INF2: variants seen among roughly 807,000 people sequenced by gnomAD.
The protein encoded by INF2 is inverted formin-2.
Under a neutral mutation model 123.5 loss-of-function variants are expected in INF2, and 43 were observed. That is an observed-to-expected ratio of 0.35 (90% CI 0.27 to 0.45). INF2 has a LOEUF of 0.45. Ranked by LOEUF, INF2 falls within the 20% of genes least tolerant of loss-of-function variation. The pLI is 1.00. For missense variants in INF2, 1,453 were observed against 1,682.7 expected, an observed-to-expected ratio of 0.86 and a Z score of 2.39; for synonymous variants, 851 against 745.0, an observed-to-expected ratio of 1.14 and a Z score of -2.32.
At position 104,711,697 on chromosome 14, in the gene INF2, A is replaced by G; in HGVS notation, c.2487A>G (p.Ala829=). 6.2e-7 allele frequency: 1 copy of G among 1,612,184 alleles called. No homozygotes were observed. The highest frequency in any genetic ancestry group is 8.5e-7 in the Non-Finnish European group (1 of 1,179,590). The change falls in exon 16 of 23, where the codon GCA becomes GCG. Residue 829 remains alanine (A), a splice_region_variant and synonymous_variant. Transcript: ENST00000392634. ...ACCTGGAACAGCCCTCGCAAGCAGC[A>G]GGGTAGGTAGCTCCTGCCAGCCCGC... ...PRDLEQPSQA[A]GINLEIIRSE...
chr14:104,687,124 G>A (rs1286249602), upstream of INF2, among the ~76,000 whole-genome samples: 1 of 152,192 alleles, frequency 6.6e-6, no homozygotes, highest in South Asian at 2.1e-4. The surrounding 1 kb of genome is among the most constrained non-coding windows in gnomAD (Gnocchi z 5.6). Flanking sequence ...GGAGGCTCCA[G>A]GCAGGCCATG....
intron 1 of INF2, 118 bp from the exon 2 acceptor site, chr14:104,701,239 T>C: frequency 8.5e-7 from 1 of 1,173,222 alleles, no homozygotes; most frequent in South Asian, 1.5e-5. Context: ...GCATGGCACG[T>C]GAGCAGGAAT....
At position 104,713,457 on chromosome 14, in the gene INF2, C is replaced by G. The variant is rs748286029; in HGVS notation, c.2891C>G (p.Pro964Arg). Residue 964 changes from proline to arginine, a missense_variant, in exon 20 of 23, where the codon CCC becomes CGC. Pro to Arg is a moderately radical substitution (Grantham distance 103, BLOSUM62 -2). Around this residue, in one of 8 missense-constraint regions of INF2, gnomAD observed 212 missense variants for 266.2 expected, o/e 0.80. Transcript: ENST00000392634. ...GEDGKPVRKG[P>R]GKQEEVCVID... ...CCACGCTCCTCAGTCAGGAAGGGGC[C>G]CGGGAAGCAGGAGGAGGTGTGTGTC... 7 of 1,610,770 alleles carry G rather than the reference C, an allele frequency of 4.3e-6. No individual in the cohort carries two copies. The Admixed American group carries it at 1.2e-4, about 27-fold the overall frequency.
chr14:104,688,349 C>T (rs1888745659), upstream of INF2, among the ~76,000 whole-genome samples: 1 of 152,122 alleles, frequency 6.6e-6, no homozygotes, highest in Non-Finnish European at 1.5e-5. Context: ...CGCTTATCCC[C>T]ACCGGAGCGG....
chr14:104,715,505 C>T (rs1194513767), intron 22 of INF2, among the ~76,000 whole-genome samples, 165 bp downstream of exon 22: 1 of 152,210 alleles, frequency 6.6e-6, no homozygotes, highest in Admixed American at 6.5e-5. Flanking sequence ...GTGGGCTTCC[C>T]GCCCCATCCC....
chr14:104,718,374 C>T (rs1053440995), intron 22 of INF2, among the ~76,000 whole-genome samples: 2 of 152,164 alleles, frequency 1.3e-5, no homozygotes, highest in Non-Finnish European at 2.9e-5. Flanking sequence ...CCTCAGCAGC[C>T]CACTGGAGAA....
At chr14:104,702,219 T>C (rs1889552932) in intron 2 of INF2, among the ~76,000 whole-genome samples, 2 of 152,048 alleles carry the variant, frequency 1.3e-5, no homozygotes, top group Admixed American at 1.3e-4. Context: ...CTACTGATGG[T>C]GTCACCCTCC....
chr14:104,703,829 A>G, intron 4 of INF2, 87 bp from the exon 5 acceptor site: 2 of 1,603,582 alleles, frequency 1.2e-6, no homozygotes, highest in Non-Finnish European at 1.7e-6. Context: ...GCAGCAGGGC[A>G]GGGTCAGGTG....
intron 22 of INF2, among the ~76,000 whole-genome samples, chr14:104,717,846 C>T (rs562845580): frequency 6.6e-6 from 1 of 152,322 alleles, no homozygotes; most frequent in South Asian, 2.1e-4. Flanking sequence ...CAGCGCGGTT[C>T]TGTGTTCGCC....
In INF2 at chr14:104,701,452, C is replaced by A; in HGVS notation, c.87C>A (p.Asn29Lys). Residue 29 changes from asparagine to lysine, a missense_variant, in exon 2 of 23, where the codon AAC becomes AAA. Physicochemically the swap from Asn to Lys is moderately conservative, Grantham distance 94. Around this residue, in one of 8 missense-constraint regions of INF2, gnomAD observed 43 missense variants for 44.7 expected, o/e 0.96. Coordinates refer to ENST00000392634, the MANE Select transcript of INF2 (RefSeq NM_022489.4). ...AGGATTCGGACCCCACGGAGGCCAA[C>A]CTGGAGAGCGCGGACCCCGAGCTGT... ...GPQDSDPTEANLESADPELCI... is the reference protein window; with the variant it reads ...GPQDSDPTEAKLESADPELCI... 6.3e-7 allele frequency: 1 copy of A among 1,598,682 alleles called. No homozygotes were observed.
intron 10 of INF2, 114 bp downstream of exon 10, chr14:104,708,846 A>C: frequency 9.1e-7 from 1 of 1,097,928 alleles, no homozygotes; most frequent in Non-Finnish European, 1.4e-6. Context: ...TGCACACTGC[A>C]TCCCCTAGGC....
rs1890181548 is a variant in INF2 at position 104,714,150 on chromosome 14, G to A, written c.3041-53G>A. ...AGCGGAATGGAGGAGGCTGCACCTG[G>A]GCTGGCTCGGGGGCAGGGTGCCTGC... On this transcript the variant is annotated intron_variant, in intron 20 of 22. Coordinates refer to ENST00000392634, the MANE Select transcript of INF2 (RefSeq NM_022489.4). The A allele has an allele frequency of 2.8e-6, 4 of 1,427,782 alleles. No individual in the cohort carries two copies. The African/African-American group carries it at 4.3e-5, about 15-fold the overall frequency. The allele number at this position is 1,427,782 out of a possible 1,614,324, so 88.4% of individuals were successfully genotyped here. A position where few individuals can be genotyped will look rare whatever the true frequency, so the allele number is the denominator to read the frequency against.
At position 104,707,868 on chromosome 14, in the gene INF2, T is replaced by C. The variant is rs772037388; in HGVS notation, c.1601T>C (p.Met534Thr). 5.6e-6 allele frequency: 9 copies of C among 1,602,886 alleles called. No homozygotes were observed. In the Admixed American group the frequency reaches 6.7e-5, roughly 12 times the overall value. ...CTCSPPVAGG[M>T]EEVIVAQVDH... ...TGCAGCCCCCCCGTGGCGGGAGGCA[T>C]GGAGGAGGTCATCGTGGCCCAGGTG... The change falls in exon 8 of 23, where the codon ATG becomes ACG. Residue 534 changes from methionine (M) to threonine (T), a missense_variant. Coordinates refer to ENST00000392634, the MANE Select transcript of INF2 (RefSeq NM_022489.4).
intron 20 of INF2, 113 bp downstream of exon 20, chr14:104,713,719 C>G: frequency 8.4e-7 from 1 of 1,194,060 alleles, no homozygotes; most frequent in Non-Finnish European, 1.2e-6. Flanking sequence ...CCTGGGCCAC[C>G]CTGGAGGCCC....
chr14:104,707,618 G>T lies in INF2; in HGVS notation c.1351G>T (p.Ala451Ser), dbSNP rs1418872155. The T allele has an allele frequency of 8.9e-7, 1 of 1,127,258 alleles. No individual in the cohort carries two copies. The highest frequency in any genetic ancestry group is 1.4e-5 in the South Asian group (1 of 72,638). The allele number at this position is 1,127,258 out of a possible 1,614,324, so 69.8% of individuals were successfully genotyped here. A position where few individuals can be genotyped will look rare whatever the true frequency, so the allele number is the denominator to read the frequency against. ...PPPPPLPSVG[A>S]KALPTAPPPP... ...ACCACCCCCCCTGCCCAGTGTGGGG[G>T]CTAAGGCCCTCCCAACAGCACCCCC... The change falls in exon 8 of 23, where the codon GCT becomes TCT. Residue 451 changes from alanine to serine, a missense_variant. This residue lies in a region of INF2 where 374 missense variants were observed against 303.7 expected (regional missense o/e 1.23). Transcript: ENST00000392634.
chr14:104,701,445 A>G lies in INF2; in HGVS notation c.80A>G (p.Glu27Gly). The G allele has an allele frequency of 6.3e-7, 1 of 1,597,360 alleles. No individual in the cohort carries two copies. Among genetic ancestry groups the G allele is most frequent in the Non-Finnish European group, 8.5e-7 (1 of 1,172,018 alleles). ...GGGCCACAGGATTCGGACCCCACGG[A>G]GGCCAACCTGGAGAGCGCGGACCCC... is the stretch of plus-strand genomic sequence containing the variant. The part of the protein sequence containing the change: ...KLGPQDSDPT[E>G]ANLESADPEL... The change falls in exon 2 of 23, where the codon GAG becomes GGG. Residue 27 changes from glutamate (E) to glycine (G), a missense_variant. Glu to Gly is a moderately conservative substitution (Grantham distance 98). This residue lies in a region of INF2 where 43 missense variants were observed against 44.7 expected (regional missense o/e 0.96). Coordinates refer to ENST00000392634, the MANE Select transcript of INF2 (RefSeq NM_022489.4).
rs1890119822 is a variant in INF2 at position 104,712,905 on chromosome 14, C to T, written c.2688C>T (p.Tyr896=). The part of the protein sequence containing the change: ...IEQKQRELAD[Y]LCEDAQQLSL... ...AGAAGCAACGGGAGCTGGCCGACTACCTGTGTGAGGACGCCCAGCAGCTGT... is the reference window on the plus strand; with the variant it reads ...AGAAGCAACGGGAGCTGGCCGACTATCTGTGTGAGGACGCCCAGCAGCTGT... The change falls in exon 18 of 23, where the codon TAC becomes TAT. Residue 896 remains tyrosine (Y), a synonymous_variant. Coordinates refer to ENST00000392634, the MANE Select transcript of INF2 (RefSeq NM_022489.4). The T allele has an allele frequency of 6.2e-7, 1 of 1,612,618 alleles. No homozygotes were observed. Among genetic ancestry groups the T allele is most frequent in the Non-Finnish European group, 8.5e-7 (1 of 1,179,826 alleles).
chr14:104,704,620 G>C (rs2140656674), intron 5 of INF2: 1 of 154,158 alleles, frequency 6.5e-6, no homozygotes, highest in African/African-American at 2.4e-5. Flanking sequence ...GGGTGGAACA[G>C]TTTTATCCCT....
At chr14:104,715,824 T>C (rs1327325118) in intron 22 of INF2, 4 of 461,270 alleles carry the variant, frequency 8.7e-6, no homozygotes, top group Non-Finnish European at 1.3e-5. Flanking sequence ...TTCTGGGGCA[T>C]GTCCCCAGGA....
Sources: gnomAD v4.1 joint callset for allele counts (sites outside exome capture counted in the v4.1 genomes callset) on GRCh38, gnomAD v4.1.1 for gene constraint, gnomAD v4.1.1 regional missense constraint, Gnocchi (gnomAD v3.1) non-coding constraint, MANE v1.5 for transcripts, NCBI Gene and HGNC (gene_info 2026-07-23, HGNC 2026-07-21) for gene names.